Variants in P2RX2 observed in about 807,000 individuals in gnomAD.
P2RX2 encodes purinergic receptor P2X 2, also known as P2X purinoceptor 2.
P2RX2 carries 50 observed loss-of-function variants against 54.8 expected under a neutral mutation model. The ratio of observed to expected loss-of-function variants is 0.91; its 90% CI spans 0.73 to 1.15. The LOEUF (loss-of-function observed/expected upper bound fraction) is 1.15. P2RX2 is among the 50% of genes most tolerant of loss of function. The pLI, the probability that P2RX2 is intolerant of heterozygous loss-of-function variation, is 0.00. For synonymous variants in P2RX2, 289 were observed against 259.4 expected, an observed-to-expected ratio of 1.11 and a Z score of -1.09; for missense variants, 658 against 633.2, an observed-to-expected ratio of 1.04 and a Z score of -0.42.
intron 1 of P2RX2, 59 bp downstream of exon 1, chr12:132,619,048 T>A (rs1412813513): frequency 1.5e-6 from 1 of 682,622 alleles, no homozygotes; most frequent in Non-Finnish European, 1.8e-6. Flanking sequence ...GGGCTGGGAT[T>A]GGGGGCGCTG....
chr12:132,621,224 G>A, intron 8 of P2RX2, 31 bp from the exon 9 acceptor site: 1 of 1,613,974 alleles, frequency 6.2e-7, no homozygotes, highest in Non-Finnish European at 8.5e-7. Flanking sequence ...GGAGTGCAGA[G>A]GACGAGTGGG....
chr12:132,619,824 C>G lies in P2RX2; in HGVS notation c.382-20C>G. The G allele has an allele frequency of 2.5e-6, 4 of 1,610,690 alleles. No individual in the cohort carries two copies. The South Asian group carries it at 4.4e-5, about 18-fold the overall frequency. On this transcript the variant is annotated intron_variant, in intron 3 of 10. Transcript: ENST00000643471. Reference sequence around the variant, plus strand: ...CAGCTGTCCCTTGCGGGGTCCCTGACTGGGCCGCCTCCACCCTAGAGCATA... The same window carrying G: ...CAGCTGTCCCTTGCGGGGTCCCTGAGTGGGCCGCCTCCACCCTAGAGCATA...
In P2RX2 at chr12:132,621,657, G is replaced by A; in HGVS notation, c.1101G>A (p.Met367Ile). The A allele has an allele frequency of 6.2e-7, 1 of 1,613,784 alleles. No homozygotes were observed. The highest frequency in any genetic ancestry group is 1.1e-5 in the South Asian group (1 of 90,980). ...GCGACTGGATCTTGCTAACATTCAT[G>A]AACAAAAACAAGGTCTACAGCCATA... is the stretch of plus-strand genomic sequence containing the variant. ...FLCDWILLTF[M>I]NKNKVYSHKK... The change falls in exon 11 of 11, where the codon ATG becomes ATA. Residue 367 changes from methionine (M) to isoleucine (I), a missense_variant. Transcript: ENST00000643471.
In P2RX2 at chr12:132,619,475, C is replaced by T; in HGVS notation, c.210C>T (p.Ser70=). Residue 70 remains serine (S), a synonymous_variant, in exon 2 of 11, where the codon AGC becomes AGT. Transcript: ENST00000643471. ...VFIVQKSYQE[S]ETGPESSIIT... ...TCGTGCAGAAAAGCTACCAGGAGAG[C>T]GAGACGGGCCCCGAGAGCTCCATCA... is the stretch of plus-strand genomic sequence containing the variant. The T allele has an allele frequency of 6.2e-7, 1 of 1,612,568 alleles. No individual in the cohort carries two copies. Among genetic ancestry groups the T allele is most frequent in the South Asian group, 1.1e-5 (1 of 91,072 alleles).
chr12:132,621,105 G>A lies in P2RX2; in HGVS notation c.879G>A (p.Val293=), dbSNP rs759716367. Residue 293 remains valine, a synonymous_variant, in exon 8 of 11, where the codon GTG becomes GTA. Coordinates refer to ENST00000643471, the MANE Select transcript of P2RX2 (RefSeq NM_170682.4). ...TCCGGAGGCTTGACCCCAAGCACGT[G>A]CCTGCCTCGTCAGGCTACAACTTCA... The part of the protein sequence containing the change: ...YSFRRLDPKH[V]PASSGYNFRF... 1 of 1,614,146 alleles carries A rather than the reference G, an allele frequency of 6.2e-7. No individual in the cohort carries two copies. The highest frequency in any genetic ancestry group is 8.5e-7 in the Non-Finnish European group (1 of 1,180,018).
Position 132,621,746 on chromosome 12 carries a change from G to C in P2RX2, c.1190G>C (p.Arg397Pro). The C allele has an allele frequency of 6.2e-7, 1 of 1,607,892 alleles. No homozygotes were observed. Among genetic ancestry groups the C allele is most frequent in the Non-Finnish European group, 8.5e-7 (1 of 1,176,676 alleles). Residue 397 changes from arginine (R) to proline (P), a missense_variant, in exon 11 of 11, where the codon CGT (arginine) becomes CCT (proline). Coordinates refer to ENST00000643471, the MANE Select transcript of P2RX2 (RefSeq NM_170682.4). ...PSGSWPVTLA[R>P]VLGQAPPEPG... ...GGTAGCTGGCCTGTGACCCTTGCCC[G>C]TGTATTGGGCCAGGCCCCTCCCGAA... is the stretch of plus-strand genomic sequence containing the variant.
Position 132,622,291 on chromosome 12 carries a change from C to T in P2RX2, c.*319C>T, listed in dbSNP as rs1301172955. 1.9e-6 allele frequency: 2 copies of T among 1,075,778 alleles called. No homozygotes were observed. The highest frequency in any genetic ancestry group is 1.2e-6 in the Non-Finnish European group (1 of 829,996). 66.6% of individuals were successfully genotyped at this position (1,075,778 alleles called of 1,614,324 possible). On this transcript the variant is annotated 3_prime_UTR_variant, in exon 11 of 11. Coordinates refer to ENST00000643471, the MANE Select transcript of P2RX2 (RefSeq NM_170682.4). ...TCCCGGTCTTGGGCCCTGGGAACCC[C>T]ACCCCACCCCACCCCACAGGCGTTG...
Position 132,618,874 on chromosome 12 carries a change from G to A in P2RX2, c.58G>A (p.Gly20Ser), listed in dbSNP as rs1232778680. The A allele has an allele frequency of 3.1e-5, 43 of 1,377,050 alleles. No homozygotes were observed. The highest frequency in any genetic ancestry group is 4.1e-5 in the Non-Finnish European group (43 of 1,058,280). 85.3% of individuals were successfully genotyped at this position (1,377,050 alleles called of 1,614,324 possible). A position where few individuals can be genotyped will look rare whatever the true frequency, so the allele number is the denominator to read the frequency against. ...AGATARRLAR[G>S]CWSALWDYET... ...GGCGACCGCCCGGCGCCTGGCCCGGGGCTGCTGGTCCGCCCTCTGGGACTA... is the reference window on the plus strand; with the variant it reads ...GGCGACCGCCCGGCGCCTGGCCCGGAGCTGCTGGTCCGCCCTCTGGGACTA... The change falls in exon 1 of 11, where the codon GGC (glycine) becomes AGC (serine). Residue 20 changes from glycine (G) to serine (S), a missense_variant. By Grantham distance (56) the Gly-to-Ser change is moderately conservative. Coordinates refer to ENST00000643471, the MANE Select transcript of P2RX2 (RefSeq NM_170682.4).
In P2RX2 at chr12:132,620,602, G is replaced by T. The variant is rs748693282; in HGVS notation, c.774+19G>T. ...ACACAAGGCAGGGCAAGCGCAGGCA[G>T]GGTGGGGCCAGGGTGGGCTCCCACC... is the stretch of plus-strand genomic sequence containing the variant. On this transcript the variant is annotated intron_variant, in intron 7 of 10. Transcript: ENST00000643471. 1.9e-5 allele frequency: 31 copies of T among 1,609,774 alleles called. No homozygotes were observed. In the East Asian group the frequency reaches 4.9e-4, roughly 25 times the overall value.
In P2RX2 at chr12:132,619,592, C is replaced by T; in HGVS notation, c.309+18C>T. On this transcript the variant is annotated intron_variant, in intron 2 of 10. Transcript: ENST00000643471. ...CCCCCGAGGTGCGGGCCGCCCCCTG[C>T]CCCCCGCCCCGCCGTGCACCCTACC... 1.9e-6 allele frequency: 3 copies of T among 1,599,386 alleles called. No individual in the cohort carries two copies. Among genetic ancestry groups the T allele is most frequent in the South Asian group, 2.2e-5 (2 of 90,536 alleles).
chr12:132,622,185 G>C lies in P2RX2; in HGVS notation c.*213G>C. The stretch of plus-strand genomic sequence containing the variant: ...AGCCCCTGACACCTCCTCCCCAGCT[G>C]GTCCCTACAGGGCTGCTCACTTCCC... On this transcript the variant is annotated 3_prime_UTR_variant, in exon 11 of 11. Transcript: ENST00000643471. 1.4e-6 allele frequency: 2 copies of C among 1,430,968 alleles called. No homozygotes were observed. The highest frequency in any genetic ancestry group is 1.8e-6 in the Non-Finnish European group (2 of 1,097,660). The allele number at this position is 1,430,968 out of a possible 1,614,324, so 88.6% of individuals were successfully genotyped here. A position where few individuals can be genotyped will look rare whatever the true frequency, so the allele number is the denominator to read the frequency against.
At position 132,621,284 on chromosome 12, in the gene P2RX2, C is replaced by T. The variant is rs1218881312; in HGVS notation, c.935C>T (p.Thr312Ile). 3 of 1,613,926 alleles carry T rather than the reference C, an allele frequency of 1.9e-6. No individual in the cohort carries two copies. The highest frequency in any genetic ancestry group is 2.7e-5 in the African/African-American group (2 of 74,926). ...RFAKYYKING[T>I]TTRTLIKAYG... Reference sequence around the variant, plus strand: ...GCCAAATACTACAAGATCAATGGCACCACCACCCGCACGCTCATCAAGGCC... The same window carrying T: ...GCCAAATACTACAAGATCAATGGCATCACCACCCGCACGCTCATCAAGGCC... The change falls in exon 9 of 11, where the codon ACC becomes ATC. Residue 312 changes from threonine (T) to isoleucine (I), a missense_variant. Transcript: ENST00000643471.
At chr12:132,620,938 C>G (rs553770874) in intron 7 of P2RX2, 63 bp from the exon 8 acceptor site, 14 of 950,362 alleles carry the variant, frequency 1.5e-5, no homozygotes, top group Admixed American at 3.2e-5. Flanking sequence ...TGGGACTGAC[C>G]CGGGCTCTCG....
Position 132,619,480 on chromosome 12 carries a change from CG to C in P2RX2, c.218del (p.Gly73AlafsTer27). On this transcript the variant is annotated frameshift_variant, in exon 2 of 11. Coordinates refer to ENST00000643471, the MANE Select transcript of P2RX2 (RefSeq NM_170682.4). LOFTEE classifies it high-confidence loss of function. Reference sequence around the variant, plus strand: ...CAGAAAAGCTACCAGGAGAGCGAGACGGGCCCCGAGAGCTCCATCATCACCA... The same window carrying C: ...CAGAAAAGCTACCAGGAGAGCGAGACGGCCCCGAGAGCTCCATCATCACCA... ...IVQKSYQESE[T>X]GPESSIITKV... The C allele has an allele frequency of 6.2e-7, 1 of 1,612,618 alleles. No individual in the cohort carries two copies. Among genetic ancestry groups the C allele is most frequent in the Middle Eastern group, 1.7e-4 (1 of 6,054 alleles).
At position 132,622,203 on chromosome 12, in the gene P2RX2, C is replaced by T. The variant is rs1340448597; in HGVS notation, c.*231C>T. Reference sequence around the variant, plus strand: ...CCCAGCTGGTCCCTACAGGGCTGCTCACTTCCCATCACCTCTCACAGCCAC... The same window carrying T: ...CCCAGCTGGTCCCTACAGGGCTGCTTACTTCCCATCACCTCTCACAGCCAC... On this transcript the variant is annotated 3_prime_UTR_variant, in exon 11 of 11. Coordinates refer to ENST00000643471, the MANE Select transcript of P2RX2 (RefSeq NM_170682.4). The T allele has an allele frequency of 8.5e-6, 12 of 1,403,570 alleles. No individual in the cohort carries two copies. The South Asian group carries it at 1.7e-4, about 20-fold the overall frequency. The allele number at this position is 1,403,570 out of a possible 1,614,324, so 86.9% of individuals were successfully genotyped here. A position where few individuals can be genotyped will look rare whatever the true frequency, so the allele number is the denominator to read the frequency against.
rs1335122722 is a variant in P2RX2, at chr12:132,620,506, G to A, written c.697G>A (p.Asp233Asn). 26 of 1,613,854 alleles carry A rather than the reference G, an allele frequency of 1.6e-5. No individual in the cohort carries two copies. Among genetic ancestry groups the A allele is most frequent in the East Asian group, 4.5e-5 (2 of 44,888 alleles). ...GCGCTGCACGTTCCACGAGGCCTCC[G>A]ACCTCTACTGCCCCATCTTCAAGCT... ...LKRCTFHEAS[D>N]LYCPIFKLGF... The change falls in exon 7 of 11, where the codon GAC (aspartate) becomes AAC (asparagine). Residue 233 changes from aspartate (D) to asparagine (N), a missense_variant. By Grantham distance (23) the Asp-to-Asn change is conservative (BLOSUM62 1). Coordinates refer to ENST00000643471, the MANE Select transcript of P2RX2 (RefSeq NM_170682.4).
chr12:132,620,567 C>T lies in P2RX2; in HGVS notation c.758C>T (p.Thr253Ile). ...GTGGAGAAGGCTGGGGAGAGCTTCA[C>T]AGAGCTCGCACACAAGGCAGGGCAA... ...FIVEKAGESF[T>I]ELAHKGGVIG... Residue 253 changes from threonine to isoleucine, a missense_variant, in exon 7 of 11, where the codon ACA becomes ATA. Transcript: ENST00000643471. 1 of 1,613,270 alleles carries T rather than the reference C, an allele frequency of 6.2e-7. No individual in the cohort carries two copies. The highest frequency in any genetic ancestry group is 8.5e-7 in the Non-Finnish European group (1 of 1,179,982).
At position 132,621,689 on chromosome 12, in the gene P2RX2, T is replaced by C. The variant is rs143626910; in HGVS notation, c.1133T>C (p.Phe378Ser). Residue 378 changes from phenylalanine (F) to serine (S), a missense_variant, in exon 11 of 11, where the codon TTT (phenylalanine) becomes TCT (serine). By Grantham distance (155) the Phe-to-Ser change is radical. Transcript: ENST00000643471. ...NKNKVYSHKK[F>S]DKVCTPSHPS... ...AACAAGGTCTACAGCCATAAGAAAT[T>C]TGACAAGGTGTGTACGCCGAGCCAC... 43 of 1,613,610 alleles carry C rather than the reference T, an allele frequency of 2.7e-5. No homozygotes were observed. Among genetic ancestry groups the C allele is most frequent in the Middle Eastern group, 3.3e-4 (2 of 6,082 alleles).
rs779626821 is a variant in P2RX2, at chr12:132,619,683, G to A, written c.314G>A (p.Gly105Asp). Residue 105 changes from glycine (G) to aspartate (D), a missense_variant, in exon 3 of 11, where the codon GGC becomes GAC. By Grantham distance (94) the Gly-to-Asp change is moderately conservative. Coordinates refer to ENST00000643471, the MANE Select transcript of P2RX2 (RefSeq NM_170682.4). ...GCCCCCTCTTTCTGAGCCCAGGGGG[G>A]CAGCGTGTTCAGCATCATCACCAGG... ...VEEYVKPPEG[G>D]SVFSIITRVE... 6.3e-6 allele frequency: 10 copies of A among 1,596,204 alleles called. No individual in the cohort carries two copies. In the Admixed American group the frequency reaches 1.2e-4, roughly 19 times the overall value.
Sources: gnomAD v4.1 joint callset for allele counts on GRCh38, gnomAD v4.1.1 for gene constraint, MANE v1.5 for transcripts, NCBI Gene and HGNC (gene_info 2026-07-23, HGNC 2026-07-21) for gene names.